BBOX1: variants seen among roughly 807,000 people sequenced by gnomAD.
The protein encoded by BBOX1 is gamma-butyrobetaine hydroxylase 1.
In BBOX1, 35 loss-of-function variants were observed where a neutral mutation model predicts 41.6. The observed-to-expected ratio is 0.84, with a 90% CI of 0.64 to 1.11. The LOEUF (loss-of-function observed/expected upper bound fraction) is 1.11, where lower values mean the gene tolerates loss of function less well. Among genes scored for constraint, BBOX1 ranks in the 50% most tolerant of loss-of-function variants. The probability of loss-of-function intolerance (pLI) is 0.00; values close to 1 mark genes in which losing one functional copy is unlikely to be tolerated. For missense variants in BBOX1, 458 were observed against 460.6 expected, an observed-to-expected ratio of 0.99 and a Z score of 0.05; for synonymous variants, 163 against 154.7, an observed-to-expected ratio of 1.05 and a Z score of -0.40.
chr11:27,118,651 T>C (rs1460363858), intron 6 of BBOX1, among the ~76,000 whole-genome samples: 1 of 151,636 alleles, frequency 6.6e-6, no homozygotes, highest in Non-Finnish European at 1.5e-5. Context: ...ATGACAGGCA[T>C]GTATTTGCGT....
At chr11:27,088,550 G>A (rs755104472) in intron 4 of BBOX1, among the ~76,000 whole-genome samples, 12 of 151,870 alleles carry the variant, frequency 7.9e-5, no homozygotes, top group South Asian at 2.1e-4. Context: ...ACCCATGCTT[G>A]AACAAGTTCA....
intron 5 of BBOX1, 147 bp downstream of exon 5, chr11:27,093,513 T>G: frequency 1.1e-6 from 1 of 907,892 alleles, no homozygotes; most frequent in African/African-American, 1.7e-5. Flanking sequence ...CTAAAAGTAG[T>G]ATTTTGCTGA....
In BBOX1 at chr11:27,125,774, C is replaced by A. The variant is rs1334365141; in HGVS notation, c.957C>A (p.Asp319Glu). ...PFYAALKEFV[D>E]LMNSKESKFT... ...ATGCTGCTCTGAAGGAGTTTGTTGA[C>A]CTCATGAACAGCAAAGAATCCAAGT... The change falls in exon 8 of 9, where the codon GAC becomes GAA. Residue 319 changes from aspartate (D) to glutamate (E), a missense_variant. Coordinates refer to ENST00000263182, the MANE Select transcript of BBOX1 (RefSeq NM_003986.3). 6.2e-7 allele frequency: 1 copy of A among 1,613,262 alleles called. No individual in the cohort carries two copies. The highest frequency in any genetic ancestry group is 2.2e-5 in the East Asian group (1 of 44,872).
At chr11:27,093,960 C>T (rs1237143419) in intron 5 of BBOX1, among the ~76,000 whole-genome samples, 2 of 152,066 alleles carry the variant, frequency 1.3e-5, no homozygotes, top group East Asian at 3.9e-4. Context: ...AGATGAAAGA[C>T]TGTGTTTCTC....
intron 5 of BBOX1, among the ~76,000 whole-genome samples, chr11:27,103,726 A>T (rs1169208186): frequency 6.6e-6 from 1 of 151,996 alleles, no homozygotes. Context: ...AGAAAAAATA[A>T]TATTTTATCT....
In BBOX1 at chr11:27,048,954, A is replaced by T. The variant is rs1275843836; in HGVS notation, c.-38-6439A>T. On this transcript the variant is annotated intron_variant, in intron 2 of 8. Transcript: ENST00000263182. ...GATGTTCCCCTTCCTGTGTCCATAT[A>T]TTCTCATTGTTAAATTCCCACCTAT... 3.1e-5 allele frequency among the ~76,000 whole-genome samples: 4 copies of T among 127,830 alleles called. No homozygotes were observed. The Admixed American group carries it at 4.0e-4, about 13-fold the overall frequency. The allele number at this position is 127,830 out of a possible 152,430, so 83.9% of individuals were successfully genotyped here.
At chr11:27,095,974 T>A (rs576324128) in intron 5 of BBOX1, among the ~76,000 whole-genome samples, 5 of 151,932 alleles carry the variant, frequency 3.3e-5, no homozygotes, top group African/African-American at 7.2e-5. Context: ...CTGCATCCCA[T>A]CTCCAGAGCT....
intron 2 of BBOX1, among the ~76,000 whole-genome samples, chr11:27,054,013 C>T (rs1856894951): frequency 1.3e-5 from 2 of 152,160 alleles, no homozygotes; most frequent in Admixed American, 6.5e-5. Context: ...TCTGAGGAAG[C>T]ATATGTGAAA....
chr11:27,127,249 T>C, intron 8 of BBOX1, 44 bp from the exon 9 acceptor site: 1 of 1,592,522 alleles, frequency 6.3e-7, no homozygotes, highest in South Asian at 1.1e-5. Flanking sequence ...CTGTAAGTCA[T>C]TTAAACACAC....
chr11:27,107,548 C>G (rs2134076965), intron 5 of BBOX1, among the ~76,000 whole-genome samples: 1 of 152,074 alleles, frequency 6.6e-6, no homozygotes, highest in East Asian at 2.0e-4. Flanking sequence ...AATCTGGTCC[C>G]ATACCTCTAC....
intron 5 of BBOX1, among the ~76,000 whole-genome samples, chr11:27,096,658 C>T (rs1590209214): frequency 6.6e-6 from 1 of 152,032 alleles, no homozygotes; most frequent in African/African-American, 2.4e-5. Flanking sequence ...ATGAGAATAG[C>T]TATTTTTGGT....
At chr11:27,082,420 G>C (rs1024456029) in intron 4 of BBOX1, among the ~76,000 whole-genome samples, 5 of 152,114 alleles carry the variant, frequency 3.3e-5, no homozygotes, top group African/African-American at 1.2e-4. Flanking sequence ...TCATAGAGGA[G>C]AGTCACAAGG....
chr11:27,074,374 C>T (rs1857566915), intron 4 of BBOX1, among the ~76,000 whole-genome samples: 1 of 151,928 alleles, frequency 6.6e-6, no homozygotes. Context: ...GAAGTTGGAA[C>T]AGTCTGGAGG....
At chr11:27,105,205 C>T (rs930437321) in intron 5 of BBOX1, among the ~76,000 whole-genome samples, 2 of 152,286 alleles carry the variant, frequency 1.3e-5, no homozygotes, top group East Asian at 1.9e-4. Flanking sequence ...CAAAGGAACA[C>T]AGCTCCTCAC....
chr11:27,116,119 C>A (rs915435476), intron 6 of BBOX1, among the ~76,000 whole-genome samples: 1 of 151,990 alleles, frequency 6.6e-6, no homozygotes, highest in Non-Finnish European at 1.5e-5. Flanking sequence ...GGCAGATATA[C>A]GCCATAGAAT....
At chr11:27,081,306 T>C (rs895724542) in intron 4 of BBOX1, among the ~76,000 whole-genome samples, 1 of 152,092 alleles carries the variant, frequency 6.6e-6, no homozygotes, top group Non-Finnish European at 1.5e-5. Context: ...ACATGCAGTA[T>C]TTGGTTTTCT....
Position 27,058,323 on chromosome 11 carries a change from T to G in BBOX1, c.334+1008T>G, listed in dbSNP as rs138309039. 1.3e-4 allele frequency among the ~76,000 whole-genome samples: 20 copies of G among 152,300 alleles called. No homozygotes were observed. The East Asian group carries it at 3.3e-3, about 25-fold the overall frequency. ...TAGCCTGCAAAACCATGAGCCAATTTAACTTCTTTTCTTTATAAATTACCC... is the reference window on the plus strand; with the variant it reads ...TAGCCTGCAAAACCATGAGCCAATTGAACTTCTTTTCTTTATAAATTACCC... On this transcript the variant is annotated intron_variant, in intron 4 of 8. Coordinates refer to ENST00000263182, the MANE Select transcript of BBOX1 (RefSeq NM_003986.3).
At chr11:27,081,883 G>A (rs1857850853) in intron 4 of BBOX1, among the ~76,000 whole-genome samples, 1 of 152,110 alleles carries the variant, frequency 6.6e-6, no homozygotes, top group African/African-American at 2.4e-5. Flanking sequence ...CATATCCTTT[G>A]CCCACTTTTT....
At chr11:27,108,445 G>A (rs1413552781) in intron 5 of BBOX1, among the ~76,000 whole-genome samples, 1 of 152,112 alleles carries the variant, frequency 6.6e-6, no homozygotes, top group South Asian at 2.1e-4. Context: ...GCACCTTGAT[G>A]AAATTACTTT....
Sources: gnomAD v4.1 joint callset for allele counts (sites outside exome capture counted in the v4.1 genomes callset) on GRCh38, gnomAD v4.1.1 for gene constraint, MANE v1.5 for transcripts, NCBI Gene and HGNC (gene_info 2026-07-23, HGNC 2026-07-21) for gene names.